The following VTI1A variants were observed in gnomAD, a reference collection of about 807,000 sequenced individuals.
VTI1A encodes the protein vesicle transport through interaction with t-SNAREs 1A.
VTI1A carries 22 observed loss-of-function variants against 34.9 expected under a neutral mutation model. That is an observed-to-expected ratio of 0.63 (90% confidence interval 0.45 to 0.90). The LOEUF is 0.90. VTI1A is among the 40% of genes least tolerant of loss of function. The pLI is 0.00. For missense variants in VTI1A, 268 were observed against 275.6 expected, an observed-to-expected ratio of 0.97 and a Z score of 0.20; for synonymous variants, 87 against 97.3, an observed-to-expected ratio of 0.89 and a Z score of 0.62.
At chr10:112,754,293 G>T (rs953926415) in intron 7 of VTI1A, among the ~76,000 whole-genome samples, 7 of 151,904 alleles carry the variant, frequency 4.6e-5, no homozygotes, top group African/African-American at 7.3e-5. Flanking sequence ...TCCTCAGGCC[G>T]CCCCGCTCAT....
intron 7 of VTI1A, among the ~76,000 whole-genome samples, chr10:112,808,010 G>C (rs1407201505): frequency 1.3e-5 from 2 of 152,056 alleles, no homozygotes; most frequent in Non-Finnish European, 2.9e-5. Flanking sequence ...TTGAGGCCAG[G>C]AGATCAAGAC....
chr10:112,520,753 A>G (rs1172387842), intron 3 of VTI1A, among the ~76,000 whole-genome samples: 1 of 151,674 alleles, frequency 6.6e-6, no homozygotes, highest in Non-Finnish European at 1.5e-5. Context: ...GAAATGTGGT[A>G]TAATTTATCT....
intron 5 of VTI1A, among the ~76,000 whole-genome samples, chr10:112,580,582 G>A (rs1429032153): frequency 6.6e-6 from 1 of 152,204 alleles, no homozygotes; most frequent in Non-Finnish European, 1.5e-5. Flanking sequence ...AGTGAACAGT[G>A]GAAAGTTGAT....
intron 7 of VTI1A, among the ~76,000 whole-genome samples, chr10:112,714,209 G>A (rs1849527040): frequency 6.6e-6 from 1 of 152,122 alleles, no homozygotes; most frequent in Non-Finnish European, 1.5e-5. Context: ...GAGTGGAAAT[G>A]GGGACATGTG....
chr10:112,625,047 A>G (rs1845869325), intron 5 of VTI1A, among the ~76,000 whole-genome samples: 1 of 152,180 alleles, frequency 6.6e-6, no homozygotes, highest in Non-Finnish European at 1.5e-5. Context: ...GCAGTGAGCC[A>G]TGATCATGCC....
intron 5 of VTI1A, among the ~76,000 whole-genome samples, chr10:112,663,300 A>G (rs905548307): frequency 2.6e-5 from 4 of 152,214 alleles, no homozygotes; most frequent in Admixed American, 6.5e-5. Context: ...TACTTGCCCT[A>G]TATCGAAGTT....
At chr10:112,507,415 G>C (rs1334454446) in intron 3 of VTI1A, among the ~76,000 whole-genome samples, 1 of 152,122 alleles carries the variant, frequency 6.6e-6, no homozygotes, top group Non-Finnish European at 1.5e-5. Context: ...TACAAATGTA[G>C]TTGCCTTACA....
intron 7 of VTI1A, among the ~76,000 whole-genome samples, chr10:112,730,399 C>A (rs757712344): frequency 6.6e-6 from 1 of 152,128 alleles, no homozygotes; most frequent in Non-Finnish European, 1.5e-5. Context: ...CACCTTGTGG[C>A]GTGATCTTGT....
At chr10:112,576,315 C>T (rs1249864310) in intron 5 of VTI1A, among the ~76,000 whole-genome samples, 2 of 152,188 alleles carry the variant, frequency 1.3e-5, no homozygotes, top group Non-Finnish European at 2.9e-5. Flanking sequence ...CCACCGCGCC[C>T]GGCCCCCTGC....
At chr10:112,732,316 T>C (rs975641556) in intron 7 of VTI1A, among the ~76,000 whole-genome samples, 1 of 152,170 alleles carries the variant, frequency 6.6e-6, no homozygotes, top group Non-Finnish European at 1.5e-5. Flanking sequence ...TCTTTGGCTG[T>C]CTCTACTTCC....
At chr10:112,770,751 A>G (rs1359648341) in intron 7 of VTI1A, among the ~76,000 whole-genome samples, 1 of 152,014 alleles carries the variant, frequency 6.6e-6, no homozygotes, top group African/African-American at 2.4e-5. Flanking sequence ...GTTAAATCTT[A>G]TAACACCCTG....
At chr10:112,480,074 A>T (rs1355772494) in intron 3 of VTI1A, among the ~76,000 whole-genome samples, 1 of 152,202 alleles carries the variant, frequency 6.6e-6, no homozygotes, top group East Asian at 1.9e-4. Context: ...TATAATTTAA[A>T]AGTTCCAAGT....
chr10:112,479,475 A>G (rs1366396425), intron 3 of VTI1A, among the ~76,000 whole-genome samples: 4 of 152,172 alleles, frequency 2.6e-5, no homozygotes, highest in African/African-American at 9.7e-5. Flanking sequence ...CACTTGTCTT[A>G]AGATTCCCTT....
intron 5 of VTI1A, among the ~76,000 whole-genome samples, chr10:112,608,609 A>G (rs1455769600): frequency 1.3e-5 from 2 of 152,134 alleles, no homozygotes; most frequent in African/African-American, 4.8e-5. Flanking sequence ...ATGACCTTAC[A>G]ATAAGGGTCA....
chr10:112,557,946 A>G (rs1037530229), intron 5 of VTI1A, among the ~76,000 whole-genome samples: 1 of 152,226 alleles, frequency 6.6e-6, no homozygotes, highest in Non-Finnish European at 1.5e-5. Context: ...AGAAACAGAT[A>G]AGAACAAAGA....
At chr10:112,662,758 C>T (rs1448824484) in intron 5 of VTI1A, among the ~76,000 whole-genome samples, 1 of 152,066 alleles carries the variant, frequency 6.6e-6, no homozygotes, top group Non-Finnish European at 1.5e-5. Flanking sequence ...TGAAATATAA[C>T]ATCCTGGGTT....
At chr10:112,741,894 C>A (rs1850706386) in intron 7 of VTI1A, among the ~76,000 whole-genome samples, 1 of 152,080 alleles carries the variant, frequency 6.6e-6, no homozygotes, top group South Asian at 2.1e-4. Context: ...GGCACCCAGC[C>A]ATCAAATACC....
At chr10:112,793,542 T>G (rs1852563004) in intron 7 of VTI1A, among the ~76,000 whole-genome samples, 1 of 152,272 alleles carries the variant, frequency 6.6e-6, no homozygotes, top group Non-Finnish European at 1.5e-5. Context: ...ATGACTCCAA[T>G]GTACCACACT....
rs184619457 is a variant in VTI1A, at chr10:112,546,567, G to A, written c.427+8237G>A. 1.0e-3 allele frequency among the ~76,000 whole-genome samples: 155 copies of A among 152,110 alleles called. 1 individual carries two copies. The highest frequency in any genetic ancestry group is 2.5e-4 in the Non-Finnish European group (17 of 67,998). On this transcript the variant is annotated intron_variant, in intron 5 of 7. Coordinates refer to ENST00000393077, the MANE Select transcript of VTI1A (RefSeq NM_145206.4). Reference sequence around the variant, plus strand: ...ACATGTGAGTAGGCATTACTTGTCCGCTAGAATAGCTAGTAAAGCATCCAG... The same window carrying A: ...ACATGTGAGTAGGCATTACTTGTCCACTAGAATAGCTAGTAAAGCATCCAG...
Sources: allele counts gnomAD v4.1 joint callset (sites outside exome capture counted in the v4.1 genomes callset), GRCh38; gene constraint gnomAD v4.1.1; transcripts MANE v1.5; gene names NCBI Gene and HGNC (gene_info 2026-07-23, HGNC 2026-07-21).